The following C3orf20 variants were observed in gnomAD, a reference collection of about 807,000 sequenced individuals.
C3orf20 encodes the protein uncharacterized protein C3orf20.
In C3orf20, 76 loss-of-function variants were observed where a neutral mutation model predicts 88.3. That is an observed-to-expected ratio of 0.86 (90% CI 0.72 to 1.04). The LOEUF (loss-of-function observed/expected upper bound fraction) is 1.04, where lower values mean the gene tolerates loss of function less well. Ranked by LOEUF, C3orf20 falls within the 50% of genes least tolerant of loss-of-function variation. C3orf20 has a pLI of 0.00. For missense variants in C3orf20, 1,056 were observed against 1,123.3 expected (o/e 0.94, Z 0.86); for synonymous variants, 436 against 437.4 (o/e 1.00, Z 0.04).
At chr3:14,676,786 A>G (rs531778598) in intron 1 of C3orf20, among the ~76,000 whole-genome samples, 27 of 152,208 alleles carry the variant, frequency 1.8e-4, no homozygotes, top group Non-Finnish European at 3.5e-4. Flanking sequence ...AATCCACTCT[A>G]GGATGGCTAC....
chr3:14,721,789 G>A lies in C3orf20; in HGVS notation c.1566+5G>A, dbSNP rs529458013. ...GGAATGGCATATGACAAACGGGTAA[G>A]GCAAGGCAGACTATGCACCCAGCCC... On this transcript the variant is annotated splice_donor_5th_base_variant and intron_variant, in intron 10 of 16. Transcript: ENST00000253697. 9.3e-6 allele frequency: 15 copies of A among 1,614,104 alleles called. No homozygotes were observed. The African/African-American group carries it at 1.7e-4, about 19-fold the overall frequency.
At chr3:14,728,926 C>T (rs1171676145) in intron 12 of C3orf20, among the ~76,000 whole-genome samples, 1 of 152,124 alleles carries the variant, frequency 6.6e-6, no homozygotes, top group Non-Finnish European at 1.5e-5. Context: ...AAATTTGGCC[C>T]AGCTGCCAAT....
chr3:14,751,444 G>A (rs186675056), intron 12 of C3orf20, among the ~76,000 whole-genome samples: 75 of 152,312 alleles, frequency 4.9e-4, no homozygotes, highest in South Asian at 2.5e-3. Context: ...AGCACAAGGC[G>A]TCAAGGGATT....
chr3:14,688,447 G>C (rs943248349), intron 4 of C3orf20, among the ~76,000 whole-genome samples: 1 of 146,964 alleles, frequency 6.8e-6, no homozygotes, highest in Non-Finnish European at 1.5e-5. Context: ...CTGGAGAATC[G>C]CTTGAACCTG....
intron 12 of C3orf20, among the ~76,000 whole-genome samples, chr3:14,741,749 G>T (rs1007626933): frequency 2.0e-5 from 3 of 152,246 alleles, no homozygotes; most frequent in Non-Finnish European, 4.4e-5. Context: ...CTCTGTGACT[G>T]CTCCTGCAGA....
At chr3:14,742,687 T>C (rs2034939595) in intron 12 of C3orf20, among the ~76,000 whole-genome samples, 1 of 152,170 alleles carries the variant, frequency 6.6e-6, no homozygotes, top group African/African-American at 2.4e-5. Flanking sequence ...GATAAAGACA[T>C]ACCCGAAACT....
In C3orf20 at chr3:14,772,870, A is replaced by G; in HGVS notation, c.2710A>G (p.Lys904Glu). 1 of 1,613,450 alleles carries G rather than the reference A, an allele frequency of 6.2e-7. No homozygotes were observed. The highest frequency in any genetic ancestry group is 1.7e-5 in the Admixed American group (1 of 60,022). ...ITSWKKQASK[K>E] is the part of the protein sequence containing the mutation. ...TAGTTGGAAGAAGCAGGCCTCCAAG[A>G]AGTAGCGCCATCCTGGCAGCAGCCA... Residue 904 changes from lysine (K) to glutamate (E), a missense_variant, in exon 17 of 17, where the codon AAG becomes GAG. Physicochemically the swap from Lys to Glu is moderately conservative, Grantham distance 56. Coordinates refer to ENST00000253697, the MANE Select transcript of C3orf20 (RefSeq NM_032137.5). The surrounding 1 kb of genome is among the most constrained non-coding windows in gnomAD (Gnocchi z 4.2).
Position 14,772,795 on chromosome 3 carries a change from A to G in C3orf20, c.2635A>G (p.Arg879Gly). 1 of 1,613,374 alleles carries G rather than the reference A, an allele frequency of 6.2e-7. No homozygotes were observed. The highest frequency in any genetic ancestry group is 8.5e-7 in the Non-Finnish European group (1 of 1,179,362). ...KELSLEAEKT[R>G]EPEVELHPLS... is the part of the protein sequence containing the mutation. ...GCCCTCTATTTTGATCTTTAGGACA[A>G]GAGAGCCTGAAGTGGAGCTACATCC... The change falls in exon 17 of 17, where the codon AGA (arginine) becomes GGA (glycine). Residue 879 changes from arginine (R) to glycine (G), a missense_variant. Transcript: ENST00000253697. The surrounding 1 kb of genome is among the most constrained non-coding windows in gnomAD (Gnocchi z 4.2).
chr3:14,690,769 G>A (rs898113039), intron 5 of C3orf20, among the ~76,000 whole-genome samples: 1 of 152,244 alleles, frequency 6.6e-6, no homozygotes, highest in Non-Finnish European at 1.5e-5. Context: ...CACCCTGCTA[G>A]CCATGACAGC....
chr3:14,689,492 C>G (rs1575093834), intron 4 of C3orf20, among the ~76,000 whole-genome samples: 2 of 152,188 alleles, frequency 1.3e-5, no homozygotes, highest in African/African-American at 4.8e-5. Context: ...AGATTTTCCA[C>G]TAGCCATAAG....
At chr3:14,769,207 C>A (rs529690629) in intron 15 of C3orf20, among the ~76,000 whole-genome samples, 1 of 151,992 alleles carries the variant, frequency 6.6e-6, no homozygotes, top group Admixed American at 6.6e-5. Context: ...GAGGAAATCT[C>A]ACCTTCTGCT....
At chr3:14,765,748 C>A (rs972315585) in intron 15 of C3orf20, 1 of 152,936 alleles carries the variant, frequency 6.5e-6, no homozygotes, top group Admixed American at 6.5e-5. Flanking sequence ...GGGGGCACTT[C>A]AGCCTTCTCT....
rs926255856 is a variant in C3orf20, at chr3:14,684,246, T to G, written c.489T>G (p.Gly163=). The part of the protein sequence containing the change: ...MKAMVESMSV[G]ANPLDITRRF... ...TGCTTTCTATCATTGCTTTAGTGGGTGCCAACCCCTTGGACATCACCAGGC... is the reference window on the plus strand; with the variant it reads ...TGCTTTCTATCATTGCTTTAGTGGGGGCCAACCCCTTGGACATCACCAGGC... The change falls in exon 4 of 17, where the codon GGT becomes GGG. Residue 163 remains glycine, a synonymous_variant. Transcript: ENST00000253697. 1.9e-6 allele frequency: 3 copies of G among 1,613,964 alleles called. No individual in the cohort carries two copies. The highest frequency in any genetic ancestry group is 2.5e-6 in the Non-Finnish European group (3 of 1,180,012).
At chr3:14,723,616 G>A (rs559619080) in intron 10 of C3orf20, among the ~76,000 whole-genome samples, 37 of 152,224 alleles carry the variant, frequency 2.4e-4, no homozygotes, top group Admixed American at 9.2e-4. Flanking sequence ...AGGAAGTACC[G>A]GAGAAACACA....
chr3:14,725,410 C>T (rs1422539636), intron 10 of C3orf20, among the ~76,000 whole-genome samples: 8 of 152,130 alleles, frequency 5.3e-5, no homozygotes, highest in African/African-American at 1.4e-4. Flanking sequence ...GGCAGAATGG[C>T]GGTCCCAGCT....
intron 12 of C3orf20, among the ~76,000 whole-genome samples, chr3:14,732,590 G>A (rs2034573519): frequency 6.6e-6 from 1 of 152,126 alleles, no homozygotes. Context: ...GCCCCCCAAG[G>A]GATATTTGAC....
chr3:14,678,681 T>G (rs1002426992), intron 1 of C3orf20, among the ~76,000 whole-genome samples: 1 of 152,264 alleles, frequency 6.6e-6, no homozygotes, highest in African/African-American at 2.4e-5. Flanking sequence ...TATAGCCATC[T>G]GCGTGGGTCC....
intron 13 of C3orf20, among the ~76,000 whole-genome samples, chr3:14,759,053 C>A (rs1306224846): frequency 6.6e-6 from 1 of 152,178 alleles, no homozygotes; most frequent in Admixed American, 6.5e-5. Flanking sequence ...GTGGCCAAGC[C>A]CAGCCATGAA....
intron 13 of C3orf20, 57 bp from the exon 14 acceptor site, chr3:14,759,834 T>G: frequency 7.0e-7 from 1 of 1,437,044 alleles, no homozygotes; most frequent in Non-Finnish European, 9.8e-7. Flanking sequence ...AATATGGCAA[T>G]CCAGGTACAT....
Sources: gnomAD v4.1 joint callset for allele counts (sites outside exome capture counted in the v4.1 genomes callset) on GRCh38, gnomAD v4.1.1 for gene constraint, Gnocchi (gnomAD v3.1) non-coding constraint, MANE v1.5 for transcripts, NCBI Gene and HGNC (gene_info 2026-07-23, HGNC 2026-07-21) for gene names.